The following FYB1 variants were observed in gnomAD, a reference collection of about 807,000 sequenced individuals.
FYB1 encodes the protein FYN-binding protein 1.
A neutral mutation model predicts 94.1 loss-of-function variants in FYB1; 41 were observed. The ratio of observed to expected loss-of-function variants is 0.44; its 90% CI spans 0.34 to 0.57. The LOEUF is 0.57. Among genes scored for constraint, FYB1 ranks in the 20% least tolerant of loss-of-function variants. FYB1 has a pLI of 0.02. For synonymous variants in FYB1, 367 were observed against 353.2 expected (o/e 1.04, Z -0.44); for missense variants, 1,050 against 976.8 (o/e 1.07, Z -1.00).
rs1748412296 is a variant in FYB1 at position 39,202,305 on chromosome 5, A to G, written c.656T>C (p.Val219Ala). The G allele has an allele frequency of 3.1e-6, 5 of 1,613,472 alleles. No individual in the cohort carries two copies. Among genetic ancestry groups the G allele is most frequent in the Admixed American group, 3.3e-5 (2 of 59,958 alleles). The change falls in exon 2 of 19, where the codon GTG becomes GCG. Residue 219 changes from valine (V) to alanine (A), a missense_variant. Physicochemically the swap from Val to Ala is moderately conservative, Grantham distance 64. Transcript: ENST00000512982. ...AGCTGGGGACCCTTTTGATGAAGAC[A>G]CATTCTTCATGGGGCTTTCGTCTTC... ...SHEDESPMKN[V>A]SSSKGSPAPL...
At chr5:39,212,096 A>G (rs924068705) in intron 1 of FYB1, among the ~76,000 whole-genome samples, 2 of 152,162 alleles carry the variant, frequency 1.3e-5, no homozygotes, top group African/African-American at 4.8e-5. Context: ...GCTTGAGGCC[A>G]GGTGATTGAG....
chr5:39,166,155 G>A (rs1744709267), intron 2 of FYB1, among the ~76,000 whole-genome samples: 2 of 152,078 alleles, frequency 1.3e-5, no homozygotes, highest in African/African-American at 2.4e-5. Context: ...AAAAGAAATC[G>A]GCCAGGAGCA....
At chr5:39,211,814 C>T (rs1361078453) in intron 1 of FYB1, among the ~76,000 whole-genome samples, 6 of 152,148 alleles carry the variant, frequency 3.9e-5, no homozygotes, top group South Asian at 2.1e-4. Context: ...CACAGACACA[C>T]GCTCCTGGGT....
At chr5:39,211,847 A>C in intron 1 of FYB1, among the ~76,000 whole-genome samples, 1 of 152,204 alleles carries the variant, frequency 6.6e-6, no homozygotes, top group East Asian at 1.9e-4. Context: ...TTCTACACTC[A>C]ACATGATGTT....
At chr5:39,207,578 A>G (rs1748972635) in intron 1 of FYB1, among the ~76,000 whole-genome samples, 1 of 152,246 alleles carries the variant, frequency 6.6e-6, no homozygotes, top group Non-Finnish European at 1.5e-5. Context: ...CAGACATCCC[A>G]TCTTTTCTGT....
chr5:39,145,684 C>T (rs1431595239), intron 3 of FYB1, among the ~76,000 whole-genome samples: 1 of 152,074 alleles, frequency 6.6e-6, no homozygotes, highest in African/African-American at 2.4e-5. Context: ...ATCCATAGCT[C>T]TTTTTATGGC....
At position 39,272,398 on chromosome 5, in the gene FYB1, C is replaced by G. The variant is rs144207198; in HGVS notation, c.-28+2005G>C. On this transcript the variant is annotated intron_variant, in intron 1 of 1. Transcript: ENST00000510188. ...TACTTAATCAGCCCGGGCGCGGTGG[C>G]TCATGCCTGTAATCCCTGCACTTTG... is the stretch of plus-strand genomic sequence containing the variant. 7.2e-3 allele frequency among the ~76,000 whole-genome samples: 1,098 copies of G among 152,144 alleles called. 19 individuals carry two copies. The highest frequency in any genetic ancestry group is 0.025 in the African/African-American group (1,041 of 41,496).
At chr5:39,229,625 G>A (rs1750632304) in intron 1 of FYB1, among the ~76,000 whole-genome samples, 1 of 152,076 alleles carries the variant, frequency 6.6e-6, no homozygotes, top group Non-Finnish European at 1.5e-5. Context: ...CCTTTATTGT[G>A]GGATTAACAT....
chr5:39,220,662 T>C (rs551232539), upstream of FYB1, among the ~76,000 whole-genome samples: 7 of 152,292 alleles, frequency 4.6e-5, no homozygotes, highest in Admixed American at 4.6e-4. Flanking sequence ...GGTCAAGCAC[T>C]GGCCAAGACT....
intron 3 of FYB1, 24 bp from the exon 4 acceptor site, chr5:39,141,165 G>A: frequency 6.5e-7 from 1 of 1,532,202 alleles, no homozygotes; most frequent in Non-Finnish European, 8.9e-7. Context: ...AGAAGAAACA[G>A]TGAACATGGA....
intron 9 of FYB1, among the ~76,000 whole-genome samples, chr5:39,131,782 G>A (rs1741222734): frequency 2.0e-5 from 3 of 152,196 alleles, no homozygotes; most frequent in African/African-American, 7.2e-5. Flanking sequence ...ACTCTTGGCA[G>A]ATACTTTTCA....
intron 2 of FYB1, among the ~76,000 whole-genome samples, chr5:39,194,848 C>T (rs1238125080): frequency 6.6e-6 from 1 of 152,110 alleles, no homozygotes; most frequent in East Asian, 1.9e-4. Context: ...CAACATGCAC[C>T]AGAAGGAAGA....
rs1741934283 is a variant in FYB1 at position 39,139,219 on chromosome 5, G to A, written c.1359+14C>T. 3.4e-6 allele frequency: 5 copies of A among 1,455,726 alleles called. No individual in the cohort carries two copies. The highest frequency in any genetic ancestry group is 2.5e-5 in the East Asian group (1 of 39,264). The allele number at this position is 1,455,726 out of a possible 1,614,324, so 90.2% of individuals were successfully genotyped here. A position where few individuals can be genotyped will look rare whatever the true frequency, so the allele number is the denominator to read the frequency against. On this transcript the variant is annotated intron_variant, in intron 5 of 18. Transcript: ENST00000512982. Reference sequence around the variant, plus strand: ...ATTATGTCAATATAATATGAGAAGAGAAAAAAATCTGACCTCATCTAGATT... The same window carrying A: ...ATTATGTCAATATAATATGAGAAGAAAAAAAAATCTGACCTCATCTAGATT...
At position 39,187,910 on chromosome 5, in the gene FYB1, G is replaced by A. The variant is rs569191313; in HGVS notation, c.1135+13916C>T. ...AAGCACTGTGTGGAACAAACCTCAA[G>A]CCAATGCAGGGCAGAAGGGGGAACA... On this transcript the variant is annotated intron_variant, in intron 2 of 18. Coordinates refer to ENST00000512982, the MANE Select transcript of FYB1 (RefSeq NM_001465.6). Among the ~76,000 whole-genome samples, 6 of 151,968 alleles carry A rather than the reference G, an allele frequency of 3.9e-5. No individual in the cohort carries two copies. The East Asian group carries it at 1.2e-3, about 29-fold the overall frequency.
intron 16 of FYB1, among the ~76,000 whole-genome samples, chr5:39,115,093 A>T (rs559508914): frequency 7.8e-6 from 1 of 127,698 alleles, no homozygotes; most frequent in African/African-American, 2.8e-5. Context: ...AGGATGAAAC[A>T]CATAATTTTT....
chr5:39,118,865 G>T lies in FYB1; in HGVS notation c.2401+9C>A. On this transcript the variant is annotated intron_variant, in intron 16 of 18. Transcript: ENST00000512982. ...ATATGCACATATTATAGTATAAGCAGTGACTTACATTTCCCTTCTTCATTT... is the reference window on the plus strand; with the variant it reads ...ATATGCACATATTATAGTATAAGCATTGACTTACATTTCCCTTCTTCATTT... 6.8e-7 allele frequency: 1 copy of T among 1,460,340 alleles called. No individual in the cohort carries two copies. The allele number at this position is 1,460,340 out of a possible 1,614,324, so 90.5% of individuals were successfully genotyped here. A position where few individuals can be genotyped will look rare whatever the true frequency, so the allele number is the denominator to read the frequency against.
chr5:39,213,566 T>A (rs1278191980), intron 1 of FYB1, among the ~76,000 whole-genome samples: 1 of 152,142 alleles, frequency 6.6e-6, no homozygotes, highest in Non-Finnish European at 1.5e-5. Flanking sequence ...GGCCAAAACA[T>A]CCTGATTGAC....
intron 9 of FYB1, among the ~76,000 whole-genome samples, chr5:39,132,092 T>A (rs1412325005): frequency 3.3e-5 from 5 of 152,118 alleles, no homozygotes; most frequent in African/African-American, 1.2e-4. Context: ...ACTGCTTTAG[T>A]GGAGAAGGAA....
chr5:39,238,708 G>A (rs1295689819), intron 1 of FYB1, among the ~76,000 whole-genome samples: 1 of 152,090 alleles, frequency 6.6e-6, no homozygotes, highest in African/African-American at 2.4e-5. Flanking sequence ...CTGTCTAGGA[G>A]CTTATCCAGA....
Sources: gnomAD v4.1 joint callset for allele counts (sites outside exome capture counted in the v4.1 genomes callset) on GRCh38, gnomAD v4.1.1 for gene constraint, MANE v1.5 for transcripts, NCBI Gene and HGNC (gene_info 2026-07-23, HGNC 2026-07-21) for gene names.